The following GUCY1A2 variants were observed in gnomAD, a reference collection of about 807,000 sequenced individuals.
GUCY1A2 encodes guanylate cyclase soluble subunit alpha-2.
In GUCY1A2, 27 loss-of-function variants were observed where a neutral mutation model predicts 63.5. The ratio of observed to expected loss-of-function variants is 0.43; its 90% CI spans 0.31 to 0.59. The LOEUF is 0.59. Ranked by LOEUF, GUCY1A2 falls within the 20% of genes least tolerant of loss-of-function variation. GUCY1A2 has a pLI of 0.11. For missense variants in GUCY1A2, 768 were observed against 913.3 expected, an observed-to-expected ratio of 0.84 and a Z score of 2.05; for synonymous variants, 364 against 343.5, an observed-to-expected ratio of 1.06 and a Z score of -0.66.
At chr11:106,905,015 T>C (rs1252929821) in intron 4 of GUCY1A2, among the ~76,000 whole-genome samples, 1 of 152,164 alleles carries the variant, frequency 6.6e-6, no homozygotes, top group Non-Finnish European at 1.5e-5. Context: ...AATAATTTCA[T>C]ATCCTGAGTG....
intron 4 of GUCY1A2, among the ~76,000 whole-genome samples, chr11:106,909,393 G>A (rs1431844696): frequency 6.8e-6 from 1 of 147,736 alleles, no homozygotes; most frequent in Non-Finnish European, 1.5e-5. Context: ...GTGTGTGTAC[G>A]CTTTTCATTC....
At chr11:106,856,392 CA>C (rs1859434863) in intron 4 of GUCY1A2, among the ~76,000 whole-genome samples, 1 of 151,968 alleles carries the variant, frequency 6.6e-6, no homozygotes, top group Non-Finnish European at 1.5e-5. Context: ...AGTAATATGA[CA>C]GAAAGAACCA....
At position 106,810,472 on chromosome 11, in the gene GUCY1A2, C is replaced by T. The variant is rs1302734708; in HGVS notation, c.1213G>A (p.Glu405Lys). 1.3e-6 allele frequency: 2 copies of T among 1,597,930 alleles called. No individual in the cohort carries two copies. Among genetic ancestry groups the T allele is most frequent in the Non-Finnish European group, 1.7e-6 (2 of 1,170,146 alleles). ...SGSENKDKVM[E>K]VKGQMIHVPE... ...ACATGGATCATTTGTCCTTTGACTTCCATCACCTGTGAAATTAACATGGAA... is the reference window on the plus strand; with the variant it reads ...ACATGGATCATTTGTCCTTTGACTTTCATCACCTGTGAAATTAACATGGAA... Residue 405 changes from glutamate to lysine, a missense_variant, in exon 5 of 8, where the codon GAA becomes AAA. Coordinates refer to ENST00000526355, the MANE Select transcript of GUCY1A2 (RefSeq NM_000855.3).
chr11:106,807,732 T>C, intron 5 of GUCY1A2, among the ~76,000 whole-genome samples: 1 of 152,182 alleles, frequency 6.6e-6, no homozygotes, highest in East Asian at 1.9e-4. Flanking sequence ...CCACCTTCAA[T>C]CCAGGTGGGT....
At chr11:106,865,054 A>G (rs1266335655) in intron 4 of GUCY1A2, among the ~76,000 whole-genome samples, 1 of 151,234 alleles carries the variant, frequency 6.6e-6, no homozygotes, top group East Asian at 2.0e-4. Context: ...TCAACTACTA[A>G]TTACTGCCTC....
intron 6 of GUCY1A2, among the ~76,000 whole-genome samples, chr11:106,710,872 C>T (rs1863105489): frequency 6.6e-6 from 1 of 151,916 alleles, no homozygotes; most frequent in Non-Finnish European, 1.5e-5. Context: ...ACCCCTTCAC[C>T]ACCAGGCTCT....
At chr11:106,973,126 A>G (rs1861217213) in intron 3 of GUCY1A2, among the ~76,000 whole-genome samples, 2 of 152,102 alleles carry the variant, frequency 1.3e-5, no homozygotes, top group Admixed American at 1.3e-4. Flanking sequence ...CAGAGCCACT[A>G]CCTAAAGTCT....
At chr11:106,887,446 C>G (rs747924866) in intron 4 of GUCY1A2, among the ~76,000 whole-genome samples, 5 of 152,134 alleles carry the variant, frequency 3.3e-5, no homozygotes, top group Non-Finnish European at 5.9e-5. Context: ...ATAATGTTAT[C>G]CAGGGACAAA....
At chr11:106,754,217 C>A (rs959186103) in intron 6 of GUCY1A2, among the ~76,000 whole-genome samples, 8 of 152,168 alleles carry the variant, frequency 5.3e-5, no homozygotes, top group Non-Finnish European at 1.0e-4. Context: ...TATCCTGAGA[C>A]TTTGCTGAAG....
intron 4 of GUCY1A2, among the ~76,000 whole-genome samples, chr11:106,899,028 C>G (rs1860090260): frequency 1.3e-5 from 2 of 152,144 alleles, no homozygotes; most frequent in Non-Finnish European, 2.9e-5. Flanking sequence ...AACATGAAAA[C>G]TATTAAAATG....
chr11:106,782,899 T>A (rs1362205116), intron 5 of GUCY1A2, among the ~76,000 whole-genome samples: 1 of 152,174 alleles, frequency 6.6e-6, no homozygotes, highest in African/African-American at 2.4e-5. Flanking sequence ...CACAGCAACT[T>A]GCCACTGTTT....
At chr11:106,781,118 A>G (rs1167977097) in intron 5 of GUCY1A2, among the ~76,000 whole-genome samples, 38 of 130,232 alleles carry the variant, frequency 2.9e-4, no homozygotes, top group African/African-American at 1.1e-3. Flanking sequence ...ACTACAAAAA[A>G]AAAAAAAAAA....
At chr11:106,774,993 T>G (rs1339405232) in intron 6 of GUCY1A2, among the ~76,000 whole-genome samples, 9 of 152,208 alleles carry the variant, frequency 5.9e-5, no homozygotes, top group Non-Finnish European at 4.4e-5. Context: ...CTGATAAGTT[T>G]GATATCTGAA....
intron 1 of GUCY1A2, among the ~76,000 whole-genome samples, chr11:107,010,249 T>C (rs1288073098): frequency 1.3e-5 from 2 of 152,170 alleles, no homozygotes; most frequent in Non-Finnish European, 2.9e-5. Context: ...TAACAGCACA[T>C]AATTCTAGAT....
chr11:106,767,240 G>T (rs958074194), intron 6 of GUCY1A2, among the ~76,000 whole-genome samples: 1 of 152,038 alleles, frequency 6.6e-6, no homozygotes, highest in Non-Finnish European at 1.5e-5. Flanking sequence ...CTCCACTAAA[G>T]AATGTATTTT....
At chr11:106,991,773 A>G (rs1278652913) in intron 1 of GUCY1A2, among the ~76,000 whole-genome samples, 1 of 152,222 alleles carries the variant, frequency 6.6e-6, no homozygotes, top group East Asian at 1.9e-4. Context: ...AAGCATAAAT[A>G]CGAGATTTTT....
chr11:106,920,844 C>A (rs1860435056), intron 4 of GUCY1A2, among the ~76,000 whole-genome samples: 1 of 151,980 alleles, frequency 6.6e-6, no homozygotes, highest in South Asian at 2.1e-4. Context: ...TTCTTTTATT[C>A]TAACTGTCCT....
At chr11:106,709,159 T>C (rs1862977744) in intron 6 of GUCY1A2, among the ~76,000 whole-genome samples, 1 of 131,694 alleles carries the variant, frequency 7.6e-6, no homozygotes, top group Admixed American at 8.8e-5. Context: ...TATACATGTA[T>C]ATAATATATA....
Position 106,725,152 on chromosome 11 carries a change from C to CTTTTTTTTTTTTTTTTTT in GUCY1A2, c.1837-16504_1837-16487dup, listed in dbSNP as rs773251118. ...ATGTATCTTCTTATTGACATAAATT[C>CTTTTTTTTTTTTTTTTTT]TTTTTTTTTTTTTTTTTTTTTTTTT... On this transcript the variant is annotated intron_variant, in intron 6 of 7. Coordinates refer to ENST00000526355, the MANE Select transcript of GUCY1A2 (RefSeq NM_000855.3). Among the ~76,000 whole-genome samples the CTTTTTTTTTTTTTTTTTT allele has an allele frequency of 8.7e-5, 2 of 22,998 alleles. 1 individual carries two copies. Among genetic ancestry groups the CTTTTTTTTTTTTTTTTTT allele is most frequent in the African/African-American group, 3.5e-4 (2 of 5,692 alleles). The allele number at this position is 22,998 out of a possible 152,430, so 15.1% of individuals were successfully genotyped here. A position where few individuals can be genotyped will look rare whatever the true frequency, so the allele number is the denominator to read the frequency against.
Sources: gnomAD v4.1 joint callset for allele counts (sites outside exome capture counted in the v4.1 genomes callset) on GRCh38, gnomAD v4.1.1 for gene constraint, MANE v1.5 for transcripts, NCBI Gene and HGNC (gene_info 2026-07-23, HGNC 2026-07-21) for gene names.